Variants in ARL6IP6 observed in about 807,000 individuals in gnomAD.
ARL6IP6 encodes the protein ARF like GTPase 6 interacting protein 6, also known as ADP-ribosylation factor-like protein 6-interacting protein 6.
Under a neutral mutation model 21.5 loss-of-function variants are expected in ARL6IP6, and 22 were observed. The ratio of observed to expected loss-of-function variants is 1.02; its 90% confidence interval spans 0.73 to 1.46. The LOEUF is 1.46. Among genes scored for constraint, ARL6IP6 ranks in the 40% most tolerant of loss-of-function variants. The pLI is 0.00. For missense variants in ARL6IP6, 388 were observed against 299.8 expected (o/e 1.29, Z -2.17); for synonymous variants, 164 against 125.3 (o/e 1.31, Z -2.06).
chr2:152,750,998 G>A (rs1701302096), intron 3 of ARL6IP6, among the ~76,000 whole-genome samples: 1 of 152,132 alleles, frequency 6.6e-6, no homozygotes, highest in African/African-American at 2.4e-5. Flanking sequence ...AAAATGGAAG[G>A]TCTTCAAAGT....
At chr2:152,755,966 T>C (rs757505587) in intron 3 of ARL6IP6, among the ~76,000 whole-genome samples, 3 of 152,220 alleles carry the variant, frequency 2.0e-5, no homozygotes, top group Admixed American at 6.5e-5. Context: ...TTTTTACTTA[T>C]AAGAGTTATT....
intron 3 of ARL6IP6, among the ~76,000 whole-genome samples, chr2:152,757,197 A>G (rs1701632140): frequency 6.6e-6 from 1 of 152,216 alleles, no homozygotes; most frequent in African/African-American, 2.4e-5. Flanking sequence ...TCTTGGTGAC[A>G]GCCCTCAGTA....
chr2:152,746,754 G>C (rs1040410435), intron 3 of ARL6IP6, among the ~76,000 whole-genome samples: 1 of 150,746 alleles, frequency 6.6e-6, no homozygotes, highest in African/African-American at 2.4e-5. Context: ...GTCTGACCAT[G>C]GCCTGCCACA....
Position 152,761,199 on chromosome 2 carries a change from A to C in ARL6IP6, c.*1359A>C, listed in dbSNP as rs1322465726. 4 of 152,136 alleles carry C rather than the reference A, an allele frequency of 2.6e-5. No homozygotes were observed. Among genetic ancestry groups the C allele is most frequent in the Non-Finnish European group, 5.9e-5 (4 of 68,026 alleles). 9.4% of individuals were successfully genotyped at this position (152,136 alleles called of 1,614,324 possible). ...GTCTCGCATTTCTTTTACTATTCAA[A>C]ACTCTTTGGTTGGAAATGACTAATA... On this transcript the variant is annotated 3_prime_UTR_variant, in exon 4 of 4. Coordinates refer to ENST00000326446, the MANE Select transcript of ARL6IP6 (RefSeq NM_152522.7).
chr2:152,754,579 C>T (rs1701491129), intron 3 of ARL6IP6, among the ~76,000 whole-genome samples: 1 of 152,066 alleles, frequency 6.6e-6, no homozygotes, highest in Non-Finnish European at 1.5e-5. Flanking sequence ...GGATATATAC[C>T]TAGAGTGGAA....
chr2:152,742,044 T>G (rs1473702299), intron 3 of ARL6IP6, among the ~76,000 whole-genome samples: 1 of 152,234 alleles, frequency 6.6e-6, no homozygotes, highest in African/African-American at 2.4e-5. Context: ...ATTATCCTGC[T>G]TCTTCTACAC....
chr2:152,727,672 CTTA>C (rs1182601651), intron 2 of ARL6IP6, among the ~76,000 whole-genome samples: 2 of 152,160 alleles, frequency 1.3e-5, no homozygotes, highest in East Asian at 3.8e-4. Context: ...TACACAAGTA[CTTA>C]TTGTTGTATT....
intron 3 of ARL6IP6, among the ~76,000 whole-genome samples, chr2:152,735,530 T>G (rs1264575435): frequency 6.6e-6 from 1 of 152,208 alleles, no homozygotes; most frequent in Non-Finnish European, 1.5e-5. Context: ...CTTAGGATTT[T>G]AACTTTGTGT....
chr2:152,747,149 T>G (rs548029808), intron 3 of ARL6IP6, among the ~76,000 whole-genome samples: 1 of 152,188 alleles, frequency 6.6e-6, no homozygotes, highest in African/African-American at 2.4e-5. Context: ...TTGTTAATAT[T>G]ATCTCATTTA....
chr2:152,749,152 T>C lies in ARL6IP6; in HGVS notation c.588-10595T>C, dbSNP rs574187830. 5.9e-5 allele frequency among the ~76,000 whole-genome samples: 9 copies of C among 152,274 alleles called. No homozygotes were observed. The South Asian group carries it at 1.9e-3, about 32-fold the overall frequency. On this transcript the variant is annotated intron_variant, in intron 3 of 3. Coordinates refer to ENST00000326446, the MANE Select transcript of ARL6IP6 (RefSeq NM_152522.7). Reference sequence around the variant, plus strand: ...TAATTCTTTTATAATATATTCACTTTGCAAGTTACTATTTAATAGTAATCT... The same window carrying C: ...TAATTCTTTTATAATATATTCACTTCGCAAGTTACTATTTAATAGTAATCT...
chr2:152,754,554 G>A (rs1421164090), intron 3 of ARL6IP6, among the ~76,000 whole-genome samples: 5 of 152,084 alleles, frequency 3.3e-5, no homozygotes, highest in African/African-American at 1.2e-4. Flanking sequence ...TGTGTGACTT[G>A]TTTTCAGTTT....
At chr2:152,736,357 A>G (rs991257638) in intron 3 of ARL6IP6, among the ~76,000 whole-genome samples, 2 of 152,164 alleles carry the variant, frequency 1.3e-5, no homozygotes, top group African/African-American at 4.8e-5. Flanking sequence ...TTCTAGCCAC[A>G]CATTTCTTGC....
intron 3 of ARL6IP6, among the ~76,000 whole-genome samples, chr2:152,739,591 C>T (rs931963609): frequency 2.6e-5 from 4 of 152,186 alleles, no homozygotes; most frequent in African/African-American, 9.7e-5. Context: ...AACTTTCCCA[C>T]ATTTTCCTGT....
At chr2:152,727,828 A>C (rs1700115219) in intron 2 of ARL6IP6, among the ~76,000 whole-genome samples, 1 of 152,216 alleles carries the variant, frequency 6.6e-6, no homozygotes, top group Non-Finnish European at 1.5e-5. Flanking sequence ...ATGTACAAAC[A>C]ACAACGAAAT....
chr2:152,749,989 C>A (rs981135711), intron 3 of ARL6IP6, among the ~76,000 whole-genome samples: 3 of 152,116 alleles, frequency 2.0e-5, no homozygotes, highest in African/African-American at 7.2e-5. Flanking sequence ...TAAATTATAT[C>A]CATTAATTTT....
intron 2 of ARL6IP6, among the ~76,000 whole-genome samples, chr2:152,729,621 A>T (rs558345848): frequency 6.6e-6 from 1 of 152,306 alleles, no homozygotes; most frequent in Admixed American, 6.5e-5. Flanking sequence ...CTGATAGGAA[A>T]GGTCTCCAGA....
chr2:152,730,789 G>A (rs896479003), intron 2 of ARL6IP6, among the ~76,000 whole-genome samples: 8 of 152,110 alleles, frequency 5.3e-5, no homozygotes, highest in Admixed American at 5.2e-4. Context: ...GCCAGGCTTA[G>A]GGCAGAGGCA....
intron 2 of ARL6IP6, among the ~76,000 whole-genome samples, chr2:152,729,095 G>A (rs1700178991): frequency 6.6e-6 from 1 of 152,102 alleles, no homozygotes. Flanking sequence ...ACTTTGGCTG[G>A]GCACAGTTGC....
rs1023239939 is a variant in ARL6IP6, at chr2:152,729,098, A to G, written c.455-5896A>G. On this transcript the variant is annotated intron_variant, in intron 2 of 3. Transcript: ENST00000326446. ...TTAATATACATCACTTTGGCTGGGC[A>G]CAGTTGCTCACGCCTGTAATCCCAG... Among the ~76,000 whole-genome samples, 16 of 152,074 alleles carry G rather than the reference A, an allele frequency of 1.1e-4. 2 individuals are homozygous for G. In the Middle Eastern group the frequency reaches 0.01, roughly 98 times the overall value.
Sources: gnomAD v4.1 joint callset for allele counts (sites outside exome capture counted in the v4.1 genomes callset) on GRCh38, gnomAD v4.1.1 for gene constraint, MANE v1.5 for transcripts, NCBI Gene and HGNC (gene_info 2026-07-23, HGNC 2026-07-21) for gene names.